Variants in ABI2 observed in about 807,000 individuals in gnomAD.
ABI2 encodes the protein abl interactor 2, also known as abelson interactor 2.
A neutral mutation model predicts 59.2 loss-of-function variants in ABI2; 25 were observed. The observed-to-expected ratio is 0.42, with a 90% CI of 0.31 to 0.59. The LOEUF is 0.59. ABI2 is among the 20% of genes least tolerant of loss of function. The pLI, the probability that ABI2 is intolerant of heterozygous loss-of-function variation, is 0.14. For synonymous variants in ABI2, 213 were observed against 235.5 expected, an observed-to-expected ratio of 0.90 and a Z score of 0.87; for missense variants, 545 against 681.8, an observed-to-expected ratio of 0.80 and a Z score of 2.23.
At chr2:203,330,113 A>C (rs532344263) in intron 1 of ABI2, among the ~76,000 whole-genome samples, 1 of 152,092 alleles carries the variant, frequency 6.6e-6, no homozygotes, top group Non-Finnish European at 1.5e-5. Flanking sequence ...TAGGTTCATA[A>C]ATTTTGTAAT....
rs558286887 is a variant in ABI2 at position 203,410,545 on chromosome 2, T to C, written c.1193-740T>C. 2.6e-5 allele frequency among the ~76,000 whole-genome samples: 4 copies of C among 152,300 alleles called. No homozygotes were observed. The South Asian group carries it at 8.3e-4, about 32-fold the overall frequency. ...TGATTGAGGTGCAGGGAAATACACC[T>C]TGGGAAGGAGAGTGGAATGATTTGA... On this transcript the variant is annotated intron_variant, in intron 9 of 11. Coordinates refer to ENST00000261018, the MANE Select transcript of ABI2 (RefSeq NM_001375670.1).
intron 11 of ABI2, among the ~76,000 whole-genome samples, chr2:203,426,785 T>TAAAA (rs59683844): frequency 7.6e-6 from 1 of 131,828 alleles, no homozygotes. Context: ...AGAAAAGCTT[T>TAAAA]AAAAAAAAAA....
At chr2:203,392,304 ACCACCACCAC>A (rs2096780623) in intron 5 of ABI2, among the ~76,000 whole-genome samples, 1 of 85,608 alleles carries the variant, frequency 1.2e-5, no homozygotes, top group Admixed American at 1.3e-4. Context: ...CACCACCACC[ACCACCACCAC>A]CAACAACAAC....
In ABI2 at chr2:203,388,566, A is replaced by T. The variant is rs371992967; in HGVS notation, c.481-2480A>T. Among the ~76,000 whole-genome samples, 71 of 152,188 alleles carry T rather than the reference A, an allele frequency of 4.7e-4. 1 individual carries two copies. In the East Asian group the frequency reaches 5.2e-3, roughly 11 times the overall value. On this transcript the variant is annotated intron_variant, in intron 4 of 11. Transcript: ENST00000261018. ...GGCGTGGTGGTGCGCCTGTAATCCC[A>T]GCTACTCGGGAGGCTGAGTCAGGAG...
intron 8 of ABI2, among the ~76,000 whole-genome samples, chr2:203,401,598 A>C (rs973727922): frequency 6.6e-6 from 1 of 152,190 alleles, no homozygotes; most frequent in Non-Finnish European, 1.5e-5. Context: ...GATGATAACT[A>C]TATATGGACT....
intron 1 of ABI2, among the ~76,000 whole-genome samples, chr2:203,353,339 C>G (rs913697004): frequency 6.6e-6 from 1 of 152,190 alleles, no homozygotes; most frequent in Admixed American, 6.5e-5. Flanking sequence ...TTCATAGCTA[C>G]ATGTGGCTAG....
intron 1 of ABI2, chr2:203,329,341 A>ATTTTTTTTTTTTTTTTTTTTTTTT (rs11376266): frequency 9.9e-6 from 1 of 100,702 alleles, no homozygotes. Flanking sequence ...TCCTGGTTTA[A>ATTTTTTTTTTTTTTTTTTTTTTTT]TTTTTTTTTT....
chr2:203,359,457 A>G (rs1009598747), intron 1 of ABI2, among the ~76,000 whole-genome samples: 3 of 152,210 alleles, frequency 2.0e-5, no homozygotes, highest in African/African-American at 4.8e-5. Context: ...GAAAAAATCA[A>G]TATTTTTAAA....
At chr2:203,391,291 T>G (rs1335490122) in intron 5 of ABI2, 148 bp downstream of exon 5, 3 of 491,600 alleles carry the variant, frequency 6.1e-6, no homozygotes, top group African/African-American at 4.0e-5. Context: ...CCTCTTCTCT[T>G]GGGAAACACA....
At chr2:203,409,519 C>G (rs2097569457) in intron 9 of ABI2, among the ~76,000 whole-genome samples, 2 of 152,180 alleles carry the variant, frequency 1.3e-5, no homozygotes, top group African/African-American at 4.8e-5. Context: ...CCAGTACTAC[C>G]TACCAGGCTT....
chr2:203,424,808 C>T (rs2098369103), intron 11 of ABI2, among the ~76,000 whole-genome samples: 1 of 152,212 alleles, frequency 6.6e-6, no homozygotes, highest in South Asian at 2.1e-4. Flanking sequence ...TTAAAACTCT[C>T]AGCTCTCTAC....
At chr2:203,414,343 C>G (rs1228766558) in intron 10 of ABI2, among the ~76,000 whole-genome samples, 1 of 152,104 alleles carries the variant, frequency 6.6e-6, no homozygotes. Flanking sequence ...CTCAAATGAT[C>G]CTCCTGCCTC....
In ABI2 at chr2:203,431,015, AAGG is replaced by A. The variant is rs2153627915; in HGVS notation, c.*3664_*3666del. 1 of 152,312 alleles carries A rather than the reference AAGG, an allele frequency of 6.6e-6. No individual in the cohort carries two copies. Among genetic ancestry groups the A allele is most frequent in the South Asian group, 2.1e-4 (1 of 4,832 alleles). The allele number at this position is 152,312 out of a possible 1,614,324, so 9.4% of individuals were successfully genotyped here. ...TGTGGAGACAGCATGACATGTCCTG[AAGG>A]TCACCTTTGCCTTTGAAAAAGGTTT... On this transcript the variant is annotated 3_prime_UTR_variant, in exon 12 of 12. Coordinates refer to ENST00000261018, the MANE Select transcript of ABI2 (RefSeq NM_001375670.1).
chr2:203,364,294 A>C (rs535181699), intron 1 of ABI2, among the ~76,000 whole-genome samples: 2 of 152,062 alleles, frequency 1.3e-5, no homozygotes, highest in Admixed American at 1.3e-4. Context: ...GGGTTTCACC[A>C]TGTTGGTCAG....
At chr2:203,345,062 C>T (rs997487076) in intron 1 of ABI2, among the ~76,000 whole-genome samples, 7 of 152,164 alleles carry the variant, frequency 4.6e-5, no homozygotes, top group Non-Finnish European at 8.8e-5. Flanking sequence ...CCGCCGGGGT[C>T]CTCTTCCATG....
chr2:203,338,926 GTGTA>G (rs1275834146), intron 1 of ABI2, among the ~76,000 whole-genome samples: 15 of 2,586 alleles, frequency 5.8e-3, no homozygotes, highest in Admixed American at 0.022. Flanking sequence ...GTGTGTGTGT[GTGTA>G]TATGTATATA....
chr2:203,425,969 C>T (rs1038625211), intron 11 of ABI2, among the ~76,000 whole-genome samples: 5 of 149,270 alleles, frequency 3.3e-5, no homozygotes, highest in South Asian at 2.1e-4. Flanking sequence ...TGCAGTGAAC[C>T]GAGATAGTGC....
rs934894603 is a variant in ABI2 at position 203,328,472 on chromosome 2, C to T, written c.-43C>T. Reference sequence around the variant, plus strand: ...TTCCTTGGCGCTGCGGCCGCCGCTCCCTCTGCGACCTGTATGAGGAGGAGG... The same window carrying T: ...TTCCTTGGCGCTGCGGCCGCCGCTCTCTCTGCGACCTGTATGAGGAGGAGG... On this transcript the variant is annotated 5_prime_UTR_variant, in exon 1 of 12. Transcript: ENST00000261018. 2 of 1,494,698 alleles carry T rather than the reference C, an allele frequency of 1.3e-6. No individual in the cohort carries two copies. The highest frequency in any genetic ancestry group is 1.4e-5 in the African/African-American group (1 of 70,292). 92.6% of individuals were successfully genotyped at this position (1,494,698 alleles called of 1,614,324 possible). A position where few individuals can be genotyped will look rare whatever the true frequency, so the allele number is the denominator to read the frequency against.
chr2:203,345,917 C>T (rs758407221), intron 1 of ABI2, among the ~76,000 whole-genome samples: 1 of 151,704 alleles, frequency 6.6e-6, no homozygotes, highest in African/African-American at 2.4e-5. Flanking sequence ...CGGTGGCTCA[C>T]GCCTGTAATC....
Sources: gnomAD v4.1 joint callset for allele counts (sites outside exome capture counted in the v4.1 genomes callset) on GRCh38, gnomAD v4.1.1 for gene constraint, MANE v1.5 for transcripts, NCBI Gene and HGNC (gene_info 2026-07-23, HGNC 2026-07-21) for gene names.